The following JAKMIP2 variants were observed in gnomAD, a reference collection of about 807,000 sequenced individuals.
JAKMIP2 encodes janus kinase and microtubule interacting protein 2, also known as janus kinase and microtubule-interacting protein 2.
A neutral mutation model predicts 115.0 loss-of-function variants in JAKMIP2; 25 were observed. The observed-to-expected ratio is 0.22, with a 90% CI of 0.16 to 0.30. JAKMIP2 has a LOEUF of 0.30. Ranked by LOEUF, JAKMIP2 falls within the 10% of genes least tolerant of loss-of-function variation. The pLI is 1.00. For synonymous variants in JAKMIP2, 334 were observed against 343.6 expected (o/e 0.97, Z 0.31); for missense variants, 642 against 957.6 (o/e 0.67, Z 4.35).
At chr5:147,672,875 A>G (rs1344950348) in intron 1 of JAKMIP2, among the ~76,000 whole-genome samples, 1 of 152,148 alleles carries the variant, frequency 6.6e-6, no homozygotes, top group Non-Finnish European at 1.5e-5. Context: ...GATTAATTAC[A>G]CCCCTAAATG....
intron 1 of JAKMIP2, among the ~76,000 whole-genome samples, chr5:147,777,155 T>C (rs1755589609): frequency 6.6e-6 from 1 of 152,160 alleles, no homozygotes; most frequent in South Asian, 2.1e-4. Context: ...TGACCAAGGT[T>C]AATTTAATAC....
At chr5:147,725,730 CCT>C (rs1049143427) in intron 1 of JAKMIP2, among the ~76,000 whole-genome samples, 15 of 152,236 alleles carry the variant, frequency 9.9e-5, no homozygotes, top group African/African-American at 3.6e-4. Context: ...AGGTTAGAGT[CCT>C]TCCTAAGATT....
chr5:147,630,394 A>C (rs1295224133), intron 14 of JAKMIP2, among the ~76,000 whole-genome samples: 1 of 152,220 alleles, frequency 6.6e-6, no homozygotes, highest in Non-Finnish European at 1.5e-5. Flanking sequence ...AGGAAAAGGC[A>C]AAGTAAATTC....
At chr5:147,727,492 A>C (rs1175252687) in intron 1 of JAKMIP2, among the ~76,000 whole-genome samples, 2 of 152,198 alleles carry the variant, frequency 1.3e-5, no homozygotes, top group Non-Finnish European at 2.9e-5. Flanking sequence ...CCTTCTTCAC[A>C]TGGCAGCAGG....
chr5:147,609,474 C>A (rs931550680), intron 20 of JAKMIP2, among the ~76,000 whole-genome samples: 12 of 152,274 alleles, frequency 7.9e-5, no homozygotes, highest in Non-Finnish European at 1.8e-4. Context: ...GTTGAAAATT[C>A]TTTTCTTTAA....
chr5:147,634,543 G>A (rs1172805042), intron 12 of JAKMIP2, among the ~76,000 whole-genome samples: 1 of 152,110 alleles, frequency 6.6e-6, no homozygotes, highest in East Asian at 1.9e-4. Flanking sequence ...ATCAATGGTG[G>A]AATATTTCGA....
At chr5:147,595,344 G>A (rs1755313889) in intron 21 of JAKMIP2, 3 of 424,650 alleles carry the variant, frequency 7.1e-6, no homozygotes, top group South Asian at 1.7e-5. Flanking sequence ...GAATGGATGA[G>A]GGATTAGTGC....
intron 3 of JAKMIP2, among the ~76,000 whole-genome samples, chr5:147,651,082 G>GA (rs1581355791): frequency 6.6e-6 from 1 of 150,528 alleles, no homozygotes; most frequent in African/African-American, 2.4e-5. Context: ...GATGGATTTG[G>GA]AGGGAGGTCC....
intron 1 of JAKMIP2, among the ~76,000 whole-genome samples, chr5:147,764,489 C>A (rs370400241): frequency 1.9e-4 from 7 of 36,176 alleles, no homozygotes; most frequent in Non-Finnish European, 2.6e-4. Flanking sequence ...TGAAAATGGG[C>A]GGGGTGGGGT....
chr5:147,769,868 T>C (rs1386853020), intron 1 of JAKMIP2, among the ~76,000 whole-genome samples: 2 of 152,114 alleles, frequency 1.3e-5, no homozygotes, highest in East Asian at 1.9e-4. Context: ...ATATTTGGGT[T>C]TGTAGATGAT....
intron 19 of JAKMIP2, among the ~76,000 whole-genome samples, chr5:147,613,735 GAAT>G (rs1756442108): frequency 6.6e-6 from 1 of 152,178 alleles, no homozygotes; most frequent in South Asian, 2.1e-4. Context: ...CCCTAAAAAA[GAAT>G]AAAGAATTAT....
chr5:147,707,388 T>C (rs1752620069), intron 1 of JAKMIP2, among the ~76,000 whole-genome samples: 1 of 152,186 alleles, frequency 6.6e-6, no homozygotes, highest in Non-Finnish European at 1.5e-5. Context: ...CTGTTAAAAG[T>C]TGCGGTATGT....
At chr5:147,631,249 T>C in intron 14 of JAKMIP2, among the ~76,000 whole-genome samples, 164 bp downstream of exon 14, 1 of 152,234 alleles carries the variant, frequency 6.6e-6, no homozygotes, top group East Asian at 1.9e-4. Flanking sequence ...AAAAACATTC[T>C]GTTAATTTTC....
At position 147,712,571 on chromosome 5, in the gene JAKMIP2, C is replaced by T. The variant is rs146685028; in HGVS notation, c.-148-40617G>A. 4.8e-3 allele frequency among the ~76,000 whole-genome samples: 731 copies of T among 152,162 alleles called. 4 individuals carry two copies. The highest frequency in any genetic ancestry group is 0.017 in the African/African-American group (697 of 41,508). ...TAGAGCCCTTCCACTAACAATATTA[C>T]GGAGGGCTGCATTCTCATCTCTTCG... On this transcript the variant is annotated intron_variant, in intron 1 of 21. Coordinates refer to ENST00000616793, the MANE Select transcript of JAKMIP2 (RefSeq NM_001270941.2).
At chr5:147,722,140 A>T (rs373513819) in intron 1 of JAKMIP2, among the ~76,000 whole-genome samples, 1 of 152,178 alleles carries the variant, frequency 6.6e-6, no homozygotes, top group Non-Finnish European at 1.5e-5. Flanking sequence ...CTCCATATCT[A>T]TAACATTTTA....
intron 1 of JAKMIP2, among the ~76,000 whole-genome samples, chr5:147,697,295 T>A (rs190836477): frequency 3.9e-5 from 6 of 152,244 alleles, no homozygotes; most frequent in South Asian, 2.1e-4. Context: ...GCAGATCTCA[T>A]GAGACTTATT....
intron 3 of JAKMIP2, among the ~76,000 whole-genome samples, chr5:147,657,368 T>A (rs1038691797): frequency 1.3e-5 from 2 of 152,222 alleles, no homozygotes; most frequent in Non-Finnish European, 2.9e-5. Context: ...TGTTGAGAGA[T>A]CCGCTGGTAG....
chr5:147,707,390 G>C (rs1314982176), intron 1 of JAKMIP2, among the ~76,000 whole-genome samples: 1 of 152,038 alleles, frequency 6.6e-6, no homozygotes, highest in Non-Finnish European at 1.5e-5. Context: ...GTTAAAAGTT[G>C]CGGTATGTCA....
intron 3 of JAKMIP2, among the ~76,000 whole-genome samples, chr5:147,653,503 A>G (rs539767273): frequency 6.9e-4 from 105 of 152,228 alleles, no homozygotes; most frequent in Admixed American, 1.6e-3. Flanking sequence ...GGCCGCATAA[A>G]TGTCTTCTTT....
Sources: allele counts gnomAD v4.1 joint callset (sites outside exome capture counted in the v4.1 genomes callset), GRCh38; gene constraint gnomAD v4.1.1; transcripts MANE v1.5; gene names NCBI Gene and HGNC (gene_info 2026-07-23, HGNC 2026-07-21).